Variants in CHM observed in about 807,000 individuals in gnomAD.
CHM encodes the protein rab proteins geranylgeranyltransferase component A 1.
A neutral mutation model predicts 49.0 loss-of-function variants in CHM; 10 were observed. That is an observed-to-expected ratio of 0.20 (90% CI 0.13 to 0.35). CHM has a LOEUF of 0.35. CHM is among the 10% of genes least tolerant of loss of function. The pLI is 1.00. For missense variants in CHM, 455 were observed against 478.4 expected (o/e 0.95, Z 0.46); for synonymous variants, 184 against 167.5 (o/e 1.10, Z -0.76).
chrX:85,913,123 G>C (rs1175678221), intron 8 of CHM, among the ~76,000 whole-genome samples: 22 of 87,023 alleles, frequency 2.5e-4, no homozygotes, highest in African/African-American at 8.4e-4. Context: ...TCAGGAGTTC[G>C]AGACCAGCCC....
chrX:85,987,017 C>A (rs979586189), intron 2 of CHM, among the ~76,000 whole-genome samples: 1 of 110,197 alleles, frequency 9.1e-6, no homozygotes, highest in Non-Finnish European at 1.9e-5. Flanking sequence ...AAGGATATCA[C>A]AATGCAATCA....
chrX:86,041,737 T>TATATATATATATAC (rs1934471593), intron 1 of CHM, among the ~76,000 whole-genome samples: 2 of 93,557 alleles, frequency 2.1e-5, no homozygotes, highest in African/African-American at 3.9e-5. Context: ...TATATATATA[T>TATATATATATATAC]ATATATATAT....
In CHM at chrX:85,963,945, G is replaced by A. The variant is rs149749273; in HGVS notation, c.422C>T (p.Thr141Met). The A allele has an allele frequency of 2.6e-5, 31 of 1,208,584 alleles. No individual in the cohort carries two copies. The highest frequency in any genetic ancestry group is 1.1e-4 in the Admixed American group (5 of 45,526). ...CATAGTGCTTAATGACTCATCCTCC[G>A]TAGGCAGGAAGGCAGAATCTGCAGC... ...TEAADSAFLP[T>M]EDESLSTMSC... is the part of the protein sequence containing the mutation. The change falls in exon 5 of 15, where the codon ACG becomes ATG. Residue 141 changes from threonine to methionine, a missense_variant. Coordinates refer to ENST00000357749, the MANE Select transcript of CHM (RefSeq NM_000390.4).
chrX:86,015,565 G>T (rs146394951), intron 2 of CHM, among the ~76,000 whole-genome samples: 1,201 of 111,660 alleles, frequency 0.011, 12 homozygotes, highest in African/African-American at 0.033. Context: ...AAAAAGACAG[G>T]AAAATGTGGG....
At chrX:86,004,057 G>A (rs751639392) in intron 2 of CHM, among the ~76,000 whole-genome samples, 67 of 112,196 alleles carry the variant, frequency 6.0e-4, no homozygotes, top group Middle Eastern at 4.6e-3. Context: ...GACTAACAGC[G>A]GATCTCTCGG....
chrX:86,041,119 G>A (rs1934441859), intron 1 of CHM, among the ~76,000 whole-genome samples: 1 of 111,387 alleles, frequency 9.0e-6, no homozygotes, highest in Non-Finnish European at 1.9e-5. Context: ...TTTAATTACT[G>A]TAGCCTGTTA....
At chrX:85,896,486 G>A (rs1031393427) in intron 11 of CHM, among the ~76,000 whole-genome samples, 2 of 111,209 alleles carry the variant, frequency 1.8e-5, no homozygotes, top group African/African-American at 6.6e-5. Flanking sequence ...GCAGTTTGTG[G>A]AGGGAAGATG....
At chrX:85,897,059 CATAAT>C (rs1367955374) in intron 11 of CHM, among the ~76,000 whole-genome samples, 49 of 89,202 alleles carry the variant, frequency 5.5e-4, no homozygotes, top group African/African-American at 1.9e-3. Flanking sequence ...TAATACATTA[CATAAT>C]ATATTATATA....
chrX:85,913,321 A>G (rs1023414229), intron 8 of CHM, among the ~76,000 whole-genome samples: 2 of 75,312 alleles, frequency 2.7e-5, no homozygotes, highest in African/African-American at 4.5e-5. Flanking sequence ...GTCAAAAAAA[A>G]AAAAAAAAAA....
At chrX:85,965,034 C>T (rs1930503191) in intron 4 of CHM, among the ~76,000 whole-genome samples, 1 of 112,127 alleles carries the variant, frequency 8.9e-6, no homozygotes, top group Non-Finnish European at 1.9e-5. Context: ...AAAAAATCTT[C>T]CTTTTCCTGT....
At chrX:86,045,051 T>A (rs1934602175) in intron 1 of CHM, among the ~76,000 whole-genome samples, 1 of 112,410 alleles carries the variant, frequency 8.9e-6, no homozygotes, top group Admixed American at 9.4e-5. Context: ...TATAAAATAT[T>A]ATCTTCCATG....
At position 85,864,239 on chromosome X, in the gene CHM, A is replaced by G. The variant is rs1333170185; in HGVS notation, c.*391T>C. On this transcript the variant is annotated 3_prime_UTR_variant, in exon 15 of 15. Coordinates refer to ENST00000357749, the MANE Select transcript of CHM (RefSeq NM_000390.4). ...TAAAGAAAATAAAATTCAAATAACC[A>G]AAGAAAATACATGAGCTGGTTCTGA... 1 of 162,870 alleles carries G rather than the reference A, an allele frequency of 6.1e-6. No homozygotes were observed. Among genetic ancestry groups the G allele is most frequent in the Non-Finnish European group, 1.2e-5 (1 of 84,995 alleles). The allele number at this position is 162,870 out of a possible 1,213,427, so 13.4% of individuals were successfully genotyped here. A position where few individuals can be genotyped will look rare whatever the true frequency, so the allele number is the denominator to read the frequency against.
chrX:85,938,705 C>T (rs1462992943), intron 8 of CHM, among the ~76,000 whole-genome samples: 9 of 110,299 alleles, frequency 8.2e-5, no homozygotes, highest in African/African-American at 3.0e-4. Context: ...CCCCTAAATT[C>T]CTGAAACCCA....
At chrX:85,932,462 A>C (rs1341315323) in intron 8 of CHM, among the ~76,000 whole-genome samples, 1 of 112,340 alleles carries the variant, frequency 8.9e-6, no homozygotes, top group Non-Finnish European at 1.9e-5. Flanking sequence ...CTTTTCTCAT[A>C]TAAATTGTGA....
At chrX:86,007,614 C>A (rs1440864981) in intron 2 of CHM, among the ~76,000 whole-genome samples, 5 of 112,343 alleles carry the variant, frequency 4.5e-5, no homozygotes, top group Non-Finnish European at 9.4e-5. Flanking sequence ...GTAGACACTT[C>A]TCAAAAGAAG....
intron 2 of CHM, among the ~76,000 whole-genome samples, chrX:85,990,136 C>T (rs1460767425): frequency 8.9e-6 from 1 of 112,303 alleles, no homozygotes; most frequent in African/African-American, 3.2e-5. Flanking sequence ...GGTGCATATA[C>T]ACCATGGAAT....
chrX:85,872,508 T>C (rs1410220940), intron 14 of CHM, among the ~76,000 whole-genome samples: 2 of 111,291 alleles, frequency 1.8e-5, no homozygotes, highest in African/African-American at 6.5e-5. Flanking sequence ...GCAGCAGTAA[T>C]GGTAGCTCCT....
At chrX:85,954,097 C>T in intron 8 of CHM, among the ~76,000 whole-genome samples, 1 of 111,614 alleles carries the variant, frequency 9.0e-6, no homozygotes, top group Middle Eastern at 4.6e-3. Flanking sequence ...AATGATATGA[C>T]TAAAAATTGG....
chrX:85,964,386 C>CT (rs1930467861), intron 4 of CHM, among the ~76,000 whole-genome samples: 1 of 110,152 alleles, frequency 9.1e-6, no homozygotes, highest in Non-Finnish European at 1.9e-5. Flanking sequence ...TGTATCCTCT[C>CT]TGAGACCACC....
Sources: gnomAD v4.1 joint callset for allele counts (sites outside exome capture counted in the v4.1 genomes callset) on GRCh38, gnomAD v4.1.1 for gene constraint, MANE v1.5 for transcripts, NCBI Gene and HGNC (gene_info 2026-07-23, HGNC 2026-07-21) for gene names.